Variants in ACADM observed in about 807,000 individuals in gnomAD.
ACADM encodes the protein acyl-CoA dehydrogenase medium chain, also known as medium-chain specific acyl-CoA dehydrogenase, mitochondrial.
A neutral mutation model predicts 58.9 loss-of-function variants in ACADM; 49 were observed. The observed-to-expected ratio is 0.83, with a 90% CI of 0.66 to 1.06. ACADM has a LOEUF of 1.06. Among genes scored for constraint, ACADM ranks in the 50% least tolerant of loss-of-function variants. The pLI is 0.00. For synonymous variants in ACADM, 160 were observed against 157.7 expected (o/e 1.01, Z -0.11); for missense variants, 496 against 507.0 (o/e 0.98, Z 0.21).
chr1:75,761,644 T>C (rs1300137579), intron 11 of ACADM: 3 of 418,168 alleles, frequency 7.2e-6, no homozygotes, highest in Non-Finnish European at 1.3e-5. Context: ...GATTGGCTAA[T>C]TGTAACCCAA....
At chr1:75,737,090 A>G (rs1647291196) in intron 6 of ACADM, among the ~76,000 whole-genome samples, 1 of 151,498 alleles carries the variant, frequency 6.6e-6, no homozygotes, top group South Asian at 2.1e-4. Flanking sequence ...AAATAATGTT[A>G]TGGTAAAAAA....
At chr1:75,739,856 T>C in intron 6 of ACADM, 124 bp from the exon 7 acceptor site, 1 of 707,842 alleles carries the variant, frequency 1.4e-6, no homozygotes, top group Admixed American at 3.6e-5. Flanking sequence ...GTAAGAACAT[T>C]TTAATTTTAG....
At chr1:75,736,173 TAC>T (rs10647103) in intron 6 of ACADM, among the ~76,000 whole-genome samples, 338 of 144,540 alleles carry the variant, frequency 2.3e-3, no homozygotes, top group East Asian at 0.012. Context: ...CACACAGACA[TAC>T]ACACACACAC....
chr1:75,761,793 CAAATT>C (rs1464068147), intron 11 of ACADM, among the ~76,000 whole-genome samples: 2 of 152,024 alleles, frequency 1.3e-5, no homozygotes, highest in Admixed American at 1.3e-4. Context: ...AGATTAATTC[CAAATT>C]AAATTGGTAG....
At chr1:75,746,686 C>A (rs1176737759) in intron 8 of ACADM, among the ~76,000 whole-genome samples, 1 of 151,152 alleles carries the variant, frequency 6.6e-6, no homozygotes, top group Non-Finnish European at 1.5e-5. Flanking sequence ...GCAACCTCTG[C>A]CTCCTGGGCT....
At chr1:75,752,490 C>T (rs1283911425) in intron 10 of ACADM, among the ~76,000 whole-genome samples, 2 of 152,268 alleles carry the variant, frequency 1.3e-5, no homozygotes, top group African/African-American at 4.8e-5. Context: ...GTCCCTTAAC[C>T]TTAGTTTCAT....
intron 2 of ACADM, among the ~76,000 whole-genome samples, chr1:75,730,580 C>T (rs982383686): frequency 5.3e-5 from 8 of 149,822 alleles, no homozygotes; most frequent in African/African-American, 1.7e-4. Context: ...TTCACTCTGT[C>T]ACCCAAGCTG....
chr1:75,743,249 G>A lies in ACADM; in HGVS notation c.600-2557G>A, dbSNP rs551831493. Among the ~76,000 whole-genome samples, 5 of 152,266 alleles carry A rather than the reference G, an allele frequency of 3.3e-5. No homozygotes were observed. The South Asian group carries it at 6.2e-4, about 19-fold the overall frequency. ...GTGCAGAGAGGGAGAGAGCCAGGCA[G>A]GAACACCAAGAAAAAAGCTGTGACT... On this transcript the variant is annotated intron_variant, in intron 7 of 11. Coordinates refer to ENST00000370841, the MANE Select transcript of ACADM (RefSeq NM_000016.6).
intron 9 of ACADM, 91 bp from the exon 10 acceptor site, chr1:75,750,360 T>G (rs1048399371): frequency 1.8e-6 from 2 of 1,085,532 alleles, no homozygotes; most frequent in African/African-American, 3.1e-5. Context: ...TCACCTTCTC[T>G]TTGTACACTC....
chr1:75,755,422 C>G (rs1353172444), intron 10 of ACADM, among the ~76,000 whole-genome samples: 1 of 152,180 alleles, frequency 6.6e-6, no homozygotes, highest in Admixed American at 6.5e-5. Context: ...TCCAGAGGAA[C>G]AATCAGGCAG....
At chr1:75,754,639 C>G (rs1386369089) in intron 10 of ACADM, among the ~76,000 whole-genome samples, 1 of 152,164 alleles carries the variant, frequency 6.6e-6, no homozygotes, top group South Asian at 2.1e-4. Flanking sequence ...AATGATCTGC[C>G]CAAGGGTTCC....
rs12022011 is a variant in ACADM at position 75,745,542 on chromosome 1, A to G, written c.600-264A>G. ...TCTTTCAAAATATCATATATACTGT[A>G]CTGCGGGTAACTGAAACCACAGAAA... On this transcript the variant is annotated intron_variant, in intron 7 of 11. Coordinates refer to ENST00000370841, the MANE Select transcript of ACADM (RefSeq NM_000016.6). 145,704 of 465,332 alleles carry G rather than the reference A, an allele frequency of 0.31. 27,446 individuals are homozygous for G. Among genetic ancestry groups the G allele is most frequent in the East Asian group, 0.67 (16,091 of 23,966 alleles). The allele number at this position is 465,332 out of a possible 1,614,324, so 28.8% of individuals were successfully genotyped here. A position where few individuals can be genotyped will look rare whatever the true frequency, so the allele number is the denominator to read the frequency against.
chr1:75,726,292 C>T (rs1647054846), intron 1 of ACADM, among the ~76,000 whole-genome samples: 1 of 150,552 alleles, frequency 6.6e-6, no homozygotes, highest in Admixed American at 6.6e-5. Context: ...GCCTGTAATC[C>T]CAGGAGGCTG....
rs927784210 is a variant in ACADM, at chr1:75,732,731, A to T, written c.206A>T (p.Lys69Ile). 3.1e-6 allele frequency: 5 copies of T among 1,613,546 alleles called. No homozygotes were observed. The highest frequency in any genetic ancestry group is 1.3e-5 in the African/African-American group (1 of 74,926). Residue 69 changes from lysine (K) to isoleucine (I), a missense_variant, in exon 3 of 12, where the codon AAA (lysine) becomes ATA (isoleucine). Lys to Ile is a moderately radical substitution (Grantham distance 102). Transcript: ENST00000370841. ...EIIPVAAEYD[K>I]TGEYPVPLIR... ...ATCCCAGTGGCTGCAGAATATGATA[A>T]AACTGGTGAAGTAGGTATATACATT...
chr1:75,724,766 A>T lies in ACADM; in HGVS notation c.-22A>T. ...GCCGTGACCCGTGTATTATTGTCCGAGTGGCCGGAACGGGAGCCAACATGG... is the reference window on the plus strand; with the variant it reads ...GCCGTGACCCGTGTATTATTGTCCGTGTGGCCGGAACGGGAGCCAACATGG... On this transcript the variant is annotated 5_prime_UTR_variant, in exon 1 of 12. Transcript: ENST00000370841. 1 of 1,530,710 alleles carries T rather than the reference A, an allele frequency of 6.5e-7. No individual in the cohort carries two copies. Among genetic ancestry groups the T allele is most frequent in the Non-Finnish European group, 8.8e-7 (1 of 1,137,308 alleles). 94.8% of individuals were successfully genotyped at this position (1,530,710 alleles called of 1,614,324 possible). A position where few individuals can be genotyped will look rare whatever the true frequency, so the allele number is the denominator to read the frequency against.
Position 75,744,746 on chromosome 1 carries a change from C to G in ACADM, c.600-1060C>G, listed in dbSNP as rs565533597. On this transcript the variant is annotated intron_variant, in intron 7 of 11. Transcript: ENST00000370841. Reference sequence around the variant, plus strand: ...AAGGCAGAGAGCGAGTGGCTGAACGCCCGGGACACAGTGGGACCGGGACAG... The same window carrying G: ...AAGGCAGAGAGCGAGTGGCTGAACGGCCGGGACACAGTGGGACCGGGACAG... 2.5e-5 allele frequency: 18 copies of G among 726,284 alleles called. No homozygotes were observed. In the African/African-American group the frequency reaches 2.8e-4, roughly 11 times the overall value. The allele number at this position is 726,284 out of a possible 1,614,324, so 45.0% of individuals were successfully genotyped here. A position where few individuals can be genotyped will look rare whatever the true frequency, so the allele number is the denominator to read the frequency against.
Position 75,732,720 on chromosome 1 carries a change from A to C in ACADM, c.195A>C (p.Ala65=), listed in dbSNP as rs771649282. ...GAGAGGAAATCATCCCAGTGGCTGC[A>C]GAATATGATAAAACTGGTGAAGTAG... ...FAREEIIPVA[A]EYDKTGEYPV... is the part of the protein sequence containing the mutation. The change falls in exon 3 of 12, where the codon GCA becomes GCC. Residue 65 remains alanine (A), a synonymous_variant. Transcript: ENST00000370841. 66 of 1,613,876 alleles carry C rather than the reference A, an allele frequency of 4.1e-5. No homozygotes were observed. The highest frequency in any genetic ancestry group is 5.4e-5 in the Non-Finnish European group (64 of 1,179,884).
rs201221339 is a variant in ACADM, at chr1:75,732,890, G to A, written c.254G>A (p.Gly85Asp). Residue 85 changes from glycine (G) to aspartate (D), a missense_variant, in exon 4 of 12, where the codon GGT (glycine) becomes GAT (aspartate). Transcript: ENST00000370841. ...VPLIRRAWEL[G>D]LMNTHIPENC... is the part of the protein sequence containing the mutation. Reference sequence around the variant, plus strand: ...CTAATTAGAAGAGCCTGGGAACTTGGTTTAATGAACACACACATTCCAGAG... The same window carrying A: ...CTAATTAGAAGAGCCTGGGAACTTGATTTAATGAACACACACATTCCAGAG... 3.7e-6 allele frequency: 6 copies of A among 1,613,926 alleles called. No individual in the cohort carries two copies. Among genetic ancestry groups the A allele is most frequent in the Non-Finnish European group, 5.1e-6 (6 of 1,179,876 alleles).
intron 2 of ACADM, among the ~76,000 whole-genome samples, chr1:75,730,543 CTT>C (rs34314755): frequency 1.3e-4 from 19 of 141,608 alleles, no homozygotes; most frequent in Non-Finnish European, 1.2e-4. Flanking sequence ...GTCATTTTTC[CTT>C]TTTTTTTTTT....
Sources: allele counts gnomAD v4.1 joint callset (sites outside exome capture counted in the v4.1 genomes callset), GRCh38; gene constraint gnomAD v4.1.1; transcripts MANE v1.5; gene names NCBI Gene and HGNC (gene_info 2026-07-23, HGNC 2026-07-21).